Variants in P3H2 observed in about 807,000 individuals in gnomAD.
P3H2 encodes leprecan-like 1.
P3H2 carries 80 observed loss-of-function variants against 87.0 expected under a neutral mutation model. The observed-to-expected ratio is 0.92, with a 90% confidence interval of 0.77 to 1.11. The LOEUF (loss-of-function observed/expected upper bound fraction) is 1.11, where lower values mean the gene tolerates loss of function less well. Ranked by LOEUF, P3H2 falls within the 50% of genes least tolerant of loss-of-function variation. The pLI, the probability that P3H2 is intolerant of heterozygous loss-of-function variation, is 0.00. For missense variants in P3H2, 1,001 were observed against 923.9 expected (o/e 1.08, Z -1.08); for synonymous variants, 367 against 359.3 (o/e 1.02, Z -0.24).
intron 1 of P3H2, among the ~76,000 whole-genome samples, chr3:190,113,778 AT>A (rs1401810736): frequency 2.0e-5 from 3 of 152,152 alleles, no homozygotes; most frequent in Admixed American, 6.5e-5. Flanking sequence ...CAGTTTATTA[AT>A]TTCCATTGTT....
chr3:190,084,231 C>T (rs958463334), intron 1 of P3H2, among the ~76,000 whole-genome samples: 5 of 152,184 alleles, frequency 3.3e-5, no homozygotes, highest in African/African-American at 1.2e-4. Context: ...ACTTCCTTTA[C>T]ACTATGCCAA....
rs550422694 is a variant in P3H2 at position 189,975,659 on chromosome 3, C to T, written c.1325-974G>A. Among the ~76,000 whole-genome samples the T allele has an allele frequency of 3.9e-5, 6 of 152,322 alleles. No individual in the cohort carries two copies. The South Asian group carries it at 1.0e-3, about 26-fold the overall frequency. On this transcript the variant is annotated intron_variant, in intron 8 of 14. Coordinates refer to ENST00000319332, the MANE Select transcript of P3H2 (RefSeq NM_018192.4). ...CCCCAGGTCTAGCAAAGGTCACCAA[C>T]ACGTTGGCCTAAAACACTCCAACAG... is the stretch of plus-strand genomic sequence containing the variant.
At chr3:190,085,663 C>A (rs185018069) in intron 1 of P3H2, among the ~76,000 whole-genome samples, 17 of 152,208 alleles carry the variant, frequency 1.1e-4, no homozygotes, top group African/African-American at 3.6e-4. Flanking sequence ...TTGTTTGAGA[C>A]AGATTAGAAA....
At chr3:189,958,181 T>C (rs1214513627) in intron 14 of P3H2, among the ~76,000 whole-genome samples, 177 bp from the exon 15 acceptor site, 1 of 152,158 alleles carries the variant, frequency 6.6e-6, no homozygotes, top group African/African-American at 2.4e-5. Flanking sequence ...CATTCCTGGG[T>C]CCTAAGCAAT....
intron 1 of P3H2, among the ~76,000 whole-genome samples, chr3:190,088,862 G>A (rs1354792378): frequency 6.6e-6 from 1 of 152,044 alleles, no homozygotes; most frequent in Non-Finnish European, 1.5e-5. Context: ...GTTCATAAAT[G>A]ACCAAACTCC....
rs1189213334 is a variant in P3H2 at position 189,980,391 on chromosome 3, C to T, written c.1324+2655G>A. ...CAGCCTGGCCAATATGGTGAAATCT[C>T]GTCTCTACTAAAAATGCAAAAATTA... On this transcript the variant is annotated intron_variant, in intron 8 of 14. Coordinates refer to ENST00000319332, the MANE Select transcript of P3H2 (RefSeq NM_018192.4). Among the ~76,000 whole-genome samples, 5 of 152,128 alleles carry T rather than the reference C, an allele frequency of 3.3e-5. 1 individual carries two copies. The South Asian group carries it at 8.3e-4, about 25-fold the overall frequency.
intron 1 of P3H2, among the ~76,000 whole-genome samples, chr3:190,035,753 A>C (rs1725399055): frequency 6.6e-6 from 1 of 152,226 alleles, no homozygotes; most frequent in Non-Finnish European, 1.5e-5. Flanking sequence ...AAAAGGCAAA[A>C]GGCTAAATAC....
At position 190,120,669 on chromosome 3, in the gene P3H2, T is replaced by TGGCGGCGGCAGTAGC. The variant is rs1243539442; in HGVS notation, c.48_62dup (p.Leu18_Leu22dup). 3.3e-6 allele frequency: 5 copies of TGGCGGCGGCAGTAGC among 1,522,868 alleles called. No individual in the cohort carries two copies. The highest frequency in any genetic ancestry group is 4.4e-6 in the Non-Finnish European group (5 of 1,142,056). 94.3% of individuals were successfully genotyped at this position (1,522,868 alleles called of 1,614,324 possible). On this transcript the variant is annotated inframe_insertion, in exon 1 of 15. Coordinates refer to ENST00000319332, the MANE Select transcript of P3H2 (RefSeq NM_018192.4). Reference sequence around the variant, plus strand: ...GGCTGTCCGGGGGGCCGCCCCACAGTGGCGGCGGCAGTAGCAGCGGCAGCA... The same window carrying TGGCGGCGGCAGTAGC: ...GGCTGTCCGGGGGGCCGCCCCACAGTGGCGGCGGCAGTAGCGGCGGCGGCAGTAGCAGCGGCAGCA...
At chr3:189,986,116 G>A (rs1002117448) in intron 6 of P3H2, among the ~76,000 whole-genome samples, 2 of 152,046 alleles carry the variant, frequency 1.3e-5, no homozygotes, top group Non-Finnish European at 2.9e-5. Flanking sequence ...TAATGTTTAG[G>A]TAACATAAAA....
chr3:190,104,419 G>T (rs1304891807), intron 1 of P3H2, among the ~76,000 whole-genome samples: 2 of 152,070 alleles, frequency 1.3e-5, no homozygotes, highest in African/African-American at 4.8e-5. Context: ...AGTGAGGGAA[G>T]AACTTCAAAG....
rs553645235 is a variant in P3H2, at chr3:189,969,730, G to C, written c.1893+1086C>G. The C allele has an allele frequency of 1.3e-5, 19 of 1,515,534 alleles. 1 individual carries two copies. The South Asian group carries it at 1.9e-4, about 15-fold the overall frequency. The allele number at this position is 1,515,534 out of a possible 1,614,324, so 93.9% of individuals were successfully genotyped here. A position where few individuals can be genotyped will look rare whatever the true frequency, so the allele number is the denominator to read the frequency against. On this transcript the variant is annotated intron_variant, in intron 13 of 14. Coordinates refer to ENST00000319332, the MANE Select transcript of P3H2 (RefSeq NM_018192.4). ...CATTTTTTATCTTCCCCAAAATTAAGACATCAAATGGCTTGCCAAATGGAG... is the reference window on the plus strand; with the variant it reads ...CATTTTTTATCTTCCCCAAAATTAACACATCAAATGGCTTGCCAAATGGAG...
At chr3:190,112,931 A>G (rs1171458934) in intron 1 of P3H2, among the ~76,000 whole-genome samples, 2 of 150,168 alleles carry the variant, frequency 1.3e-5, no homozygotes, top group Admixed American at 6.6e-5. Context: ...AGATGAATGG[A>G]AAAAAAAAAG....
intron 1 of P3H2, among the ~76,000 whole-genome samples, chr3:190,062,065 C>A (rs62279645): frequency 2.6e-5 from 4 of 151,958 alleles, no homozygotes; most frequent in Non-Finnish European, 2.9e-5. Flanking sequence ...CTTACTTCTA[C>A]CCTTCAACAG....
chr3:189,959,246 ATTTAT>A (rs1722735237), intron 14 of P3H2, among the ~76,000 whole-genome samples: 1 of 72,912 alleles, frequency 1.4e-5, no homozygotes, highest in African/African-American at 6.0e-5. Context: ...TTTTTCTTTT[ATTTAT>A]TTATTTATTT....
At chr3:190,033,222 G>A (rs934221952) in intron 1 of P3H2, among the ~76,000 whole-genome samples, 4 of 152,168 alleles carry the variant, frequency 2.6e-5, no homozygotes, top group Admixed American at 6.5e-5. Context: ...CTCACCTGCC[G>A]CTCACCTCCT....
chr3:190,007,941 C>T (rs1419653847), intron 1 of P3H2, among the ~76,000 whole-genome samples: 11 of 122,400 alleles, frequency 9.0e-5, no homozygotes, highest in African/African-American at 3.3e-4. Flanking sequence ...TAATCAGCTG[C>T]CTGAGACTCT....
chr3:189,961,390 G>C (rs961629234), intron 14 of P3H2, among the ~76,000 whole-genome samples: 1 of 152,286 alleles, frequency 6.6e-6, no homozygotes, highest in African/African-American at 2.4e-5. Context: ...GAACATCCTT[G>C]CATCCTTAAA....
chr3:190,120,343 C>A lies in P3H2; in HGVS notation c.389G>T (p.Gly130Val), dbSNP rs1407835308. 4 of 1,587,116 alleles carry A rather than the reference C, an allele frequency of 2.5e-6. No individual in the cohort carries two copies. The Admixed American group carries it at 7.1e-5, about 28-fold the overall frequency. ...GCTGACGCGGTGGCGGGATGCGGGG[C>A]CCCCGAGGCGCTGGGTCTCACAGCT... ...YRSCETQRLG[G>V]PASRHRVSED... The change falls in exon 1 of 15, where the codon GGC becomes GTC. Residue 130 changes from glycine to valine, a missense_variant. Physicochemically the swap from Gly to Val is moderately radical, Grantham distance 109 (BLOSUM62 -3). Transcript: ENST00000319332.
chr3:190,045,468 TC>T (rs1032354199), intron 1 of P3H2, among the ~76,000 whole-genome samples: 2 of 151,854 alleles, frequency 1.3e-5, no homozygotes, highest in African/African-American at 4.8e-5. Context: ...CATTTTTCCT[TC>T]CCCCCAACCA....
Sources: allele counts gnomAD v4.1 joint callset (sites outside exome capture counted in the v4.1 genomes callset), GRCh38; gene constraint gnomAD v4.1.1; transcripts MANE v1.5; gene names NCBI Gene and HGNC (gene_info 2026-07-23, HGNC 2026-07-21).